RANBP9: variants seen among roughly 807,000 people sequenced by gnomAD.
The protein encoded by RANBP9 is RAN binding protein 9.
Under a neutral mutation model 84.3 loss-of-function variants are expected in RANBP9, and 15 were observed. That is an observed-to-expected ratio of 0.18 (90% CI 0.12 to 0.27). The LOEUF (loss-of-function observed/expected upper bound fraction) is 0.27, where lower values mean the gene tolerates loss of function less well. Among genes scored for constraint, RANBP9 ranks in the 10% least tolerant of loss-of-function variants. RANBP9 has a pLI of 1.00. For missense variants in RANBP9, 809 were observed against 912.8 expected (o/e 0.89, Z 1.46); for synonymous variants, 392 against 349.6 (o/e 1.12, Z -1.35).
At chr6:13,655,916 T>C (rs911809449) in intron 4 of RANBP9, among the ~76,000 whole-genome samples, 2 of 152,162 alleles carry the variant, frequency 1.3e-5, no homozygotes, top group Admixed American at 6.5e-5. Flanking sequence ...CACACAAATA[T>C]ACATAATTTG....
intron 2 of RANBP9, among the ~76,000 whole-genome samples, chr6:13,689,358 T>C (rs1265817602): frequency 6.6e-6 from 1 of 151,402 alleles, no homozygotes; most frequent in East Asian, 1.9e-4. Context: ...GCAACCTTTG[T>C]ATCCTGGGTT....
At chr6:13,689,391 T>TCC (rs1766272320) in intron 2 of RANBP9, among the ~76,000 whole-genome samples, 1 of 151,742 alleles carries the variant, frequency 6.6e-6, no homozygotes. Context: ...CTGCCTTGGC[T>TCC]CCCCAAGTAG....
chr6:13,635,272 T>C (rs1207299747), intron 10 of RANBP9, among the ~76,000 whole-genome samples: 1 of 152,206 alleles, frequency 6.6e-6, no homozygotes, highest in East Asian at 1.9e-4. Context: ...TCAATGAATA[T>C]CTATCTGCCA....
intron 2 of RANBP9, among the ~76,000 whole-genome samples, chr6:13,669,348 T>C (rs1765723187): frequency 6.6e-6 from 1 of 152,176 alleles, no homozygotes; most frequent in South Asian, 2.1e-4. Context: ...AAATCCTAAC[T>C]TGCTTTGCTG....
intron 1 of RANBP9, among the ~76,000 whole-genome samples, chr6:13,700,339 G>T (rs1296222516): frequency 6.6e-6 from 1 of 152,064 alleles, no homozygotes. Context: ...AAAAAGACAC[G>T]CTTCCTGAGC....
chr6:13,686,223 G>T (rs941427841), intron 2 of RANBP9, among the ~76,000 whole-genome samples: 3 of 148,834 alleles, frequency 2.0e-5, no homozygotes, highest in African/African-American at 7.4e-5. Context: ...TCCTGGCTCA[G>T]CCTCTCATAT....
intron 2 of RANBP9, among the ~76,000 whole-genome samples, chr6:13,696,463 T>C (rs1757829335): frequency 3.3e-5 from 5 of 152,200 alleles, no homozygotes; most frequent in Admixed American, 2.6e-4. Flanking sequence ...TTTGAGAGGA[T>C]TTAACTTCTT....
intron 5 of RANBP9, among the ~76,000 whole-genome samples, chr6:13,650,960 G>C (rs1441626954): frequency 6.6e-6 from 1 of 152,028 alleles, no homozygotes; most frequent in African/African-American, 2.4e-5. Context: ...TGAGATCAAA[G>C]AAAATCATGG....
rs193087225 is a variant in RANBP9 at position 13,685,712 on chromosome 6, G to A, written c.683+11073C>T. On this transcript the variant is annotated intron_variant, in intron 2 of 13. Transcript: ENST00000011619. ...TGGGAGGCCTAGGTGGGAGGATCAC[G>A]AGGTCAAGAGATCGAGACCATCCTG... 4.3e-3 allele frequency among the ~76,000 whole-genome samples: 659 copies of A among 152,188 alleles called. 3 individuals carry two copies. Among genetic ancestry groups the A allele is most frequent in the African/African-American group, 0.015 (630 of 41,526 alleles).
At chr6:13,667,695 T>C (rs1235317287) in intron 2 of RANBP9, among the ~76,000 whole-genome samples, 1 of 152,110 alleles carries the variant, frequency 6.6e-6, no homozygotes, top group Non-Finnish European at 1.5e-5. Flanking sequence ...AGCTATTCAG[T>C]TTTGTAGCCT....
chr6:13,664,067 C>A (rs1180483717), intron 2 of RANBP9, among the ~76,000 whole-genome samples: 1 of 151,928 alleles, frequency 6.6e-6, no homozygotes, highest in Non-Finnish European at 1.5e-5. Context: ...GCATAAAAAT[C>A]AAAAAGAAAT....
At chr6:13,624,825 G>A (rs1280882749) in intron 13 of RANBP9, among the ~76,000 whole-genome samples, 2 of 152,082 alleles carry the variant, frequency 1.3e-5, no homozygotes, top group Non-Finnish European at 2.9e-5. Flanking sequence ...AGTTGAATCC[G>A]GCTAATATAA....
At position 13,653,216 on chromosome 6, in the gene RANBP9, G is replaced by A. The variant is rs76953925; in HGVS notation, c.905-535C>T. Among the ~76,000 whole-genome samples the A allele has an allele frequency of 1.5e-3, 235 of 152,108 alleles. 4 individuals are homozygous for A. In the East Asian group the frequency reaches 0.016, roughly 11 times the overall value. On this transcript the variant is annotated intron_variant, in intron 4 of 13. Transcript: ENST00000011619. ...AAATTCTTTAACTTATGATTTACTC[G>A]TGGGAAAAATCAATTCCTCCTTCAA...
intron 12 of RANBP9, among the ~76,000 whole-genome samples, chr6:13,627,969 T>TA (rs1316971818): frequency 6.6e-6 from 1 of 151,806 alleles, no homozygotes; most frequent in East Asian, 1.9e-4. Context: ...CCCTGGAACT[T>TA]AAAGGAAAAA....
intron 4 of RANBP9, among the ~76,000 whole-genome samples, chr6:13,653,612 T>G (rs1228109074): frequency 6.6e-6 from 1 of 152,094 alleles, no homozygotes; most frequent in Non-Finnish European, 1.5e-5. Flanking sequence ...TAAATTGTTT[T>G]TAAGGTCTCT....
At chr6:13,649,461 GAAAAAAAA>G (rs375894187) in intron 5 of RANBP9, among the ~76,000 whole-genome samples, 1 of 92,690 alleles carries the variant, frequency 1.1e-5, no homozygotes, top group African/African-American at 3.9e-5. Flanking sequence ...TGCCACAACA[GAAAAAAAA>G]AAAAAAAAAA....
At chr6:13,688,812 T>G (rs375020962) in intron 2 of RANBP9, among the ~76,000 whole-genome samples, 2 of 151,482 alleles carry the variant, frequency 1.3e-5, no homozygotes, top group Non-Finnish European at 2.9e-5. Context: ...CTCCCCACTT[T>G]GTATTATCTT....
intron 1 of RANBP9, among the ~76,000 whole-genome samples, chr6:13,709,476 CCAGAT>C (rs1163368426): frequency 6.6e-6 from 1 of 152,184 alleles, no homozygotes; most frequent in Non-Finnish European, 1.5e-5. Context: ...TTTCTGGCAG[CCAGAT>C]CAGAAGTAAA....
At chr6:13,623,656 A>C (rs1369208164) in intron 13 of RANBP9, among the ~76,000 whole-genome samples, 1 of 152,178 alleles carries the variant, frequency 6.6e-6, no homozygotes, top group Non-Finnish European at 1.5e-5. Flanking sequence ...TGCATCTTTA[A>C]CTTTTTTGGA....
Sources: allele counts gnomAD v4.1 joint callset (sites outside exome capture counted in the v4.1 genomes callset), GRCh38; gene constraint gnomAD v4.1.1; transcripts MANE v1.5; gene names NCBI Gene and HGNC (gene_info 2026-07-23, HGNC 2026-07-21).